Variants in DISP1 observed in about 807,000 individuals in gnomAD.
DISP1 encodes dispatched RND transporter family member 1, also known as protein dispatched homolog 1.
DISP1 carries 30 observed loss-of-function variants against 37.3 expected under a neutral mutation model. The observed-to-expected ratio is 0.80, with a 90% confidence interval of 0.60 to 1.09. DISP1 has a LOEUF of 1.09. Ranked by LOEUF, DISP1 falls within the 50% of genes least tolerant of loss-of-function variation. The pLI is 0.00. For synonymous variants in DISP1, 634 were observed against 690.2 expected (o/e 0.92, Z 1.28); for missense variants, 1,598 against 1,879.5 (o/e 0.85, Z 2.77).
At chr1:222,936,575 A>C (rs1237127317) in intron 2 of DISP1, among the ~76,000 whole-genome samples, 9 of 127,498 alleles carry the variant, frequency 7.1e-5, no homozygotes, top group Non-Finnish European at 9.8e-5. Flanking sequence ...TATATAATAT[A>C]TATCATATAT....
intron 2 of DISP1, among the ~76,000 whole-genome samples, chr1:222,929,817 A>G (rs1673287203): frequency 6.6e-6 from 1 of 152,128 alleles, no homozygotes; most frequent in African/African-American, 2.4e-5. Context: ...TTCATTGCCA[A>G]CGTATCAAAT....
intron 2 of DISP1, among the ~76,000 whole-genome samples, chr1:222,935,967 C>A (rs2378616): frequency 0.047 from 7,170 of 152,256 alleles, 222 homozygotes; most frequent in Non-Finnish European, 0.063. Context: ...ACCACATATA[C>A]CATGTTGGTC....
chr1:222,959,247 T>A (rs1675844183), intron 3 of DISP1, among the ~76,000 whole-genome samples: 1 of 152,210 alleles, frequency 6.6e-6, no homozygotes, highest in Non-Finnish European at 1.5e-5. Flanking sequence ...GCAATTAAAA[T>A]CTATAACAAT....
At chr1:222,855,848 C>T (rs530064528) in intron 1 of DISP1, among the ~76,000 whole-genome samples, 156 of 150,030 alleles carry the variant, frequency 1.0e-3, no homozygotes, top group South Asian at 9.0e-3. Context: ...CTATCTAATG[C>T]GACTGGAATT....
intron 1 of DISP1, among the ~76,000 whole-genome samples, chr1:222,851,705 A>G (rs570338984): frequency 2.2e-4 from 34 of 152,282 alleles, no homozygotes; most frequent in East Asian, 5.8e-4. Flanking sequence ...TGCATTCCCT[A>G]AAAGTTCTTT....
chr1:222,945,796 ATGT>A (rs1377036028), intron 3 of DISP1: 1 of 152,218 alleles, frequency 6.6e-6, no homozygotes, highest in Non-Finnish European at 1.5e-5. Context: ...TTGTCTTTGT[ATGT>A]TATCTAAAGA....
At chr1:222,856,177 G>T (rs998184495) in intron 1 of DISP1, among the ~76,000 whole-genome samples, 2 of 152,136 alleles carry the variant, frequency 1.3e-5, no homozygotes, top group Non-Finnish European at 2.9e-5. Context: ...ATGTTACTGT[G>T]AATTACATAG....
intron 3 of DISP1, among the ~76,000 whole-genome samples, chr1:222,946,228 A>ACC (rs1258407651): frequency 2.0e-5 from 3 of 150,314 alleles, no homozygotes; most frequent in African/African-American, 7.3e-5. Flanking sequence ...AAAAAAAAAA[A>ACC]AAAAAATTAG....
At chr1:222,987,050 T>C (rs1252064822) in intron 4 of DISP1, among the ~76,000 whole-genome samples, 1 of 149,822 alleles carries the variant, frequency 6.7e-6, no homozygotes, top group African/African-American at 2.5e-5. Flanking sequence ...GATATGGATA[T>C]ATATATATAT....
chr1:222,919,587 C>A (rs951885176), intron 1 of DISP1, among the ~76,000 whole-genome samples: 4 of 152,182 alleles, frequency 2.6e-5, no homozygotes, highest in African/African-American at 4.8e-5. Context: ...GCGTCTGTCC[C>A]CCTTCGTTCA....
intron 1 of DISP1, among the ~76,000 whole-genome samples, chr1:222,896,252 G>A (rs1027159424): frequency 2.6e-5 from 4 of 151,988 alleles, no homozygotes; most frequent in Non-Finnish European, 5.9e-5. Context: ...AGGCTGCAGT[G>A]AGCCATGATC....
rs1471310587 is a variant in DISP1, at chr1:222,991,504, T to C, written c.664-16T>C. On this transcript the variant is annotated splice_polypyrimidine_tract_variant and intron_variant, in intron 5 of 8. Coordinates refer to ENST00000675850, the MANE Select transcript of DISP1 (RefSeq NM_001377229.1). ...GAAATGAAATATACTAATGAGCACCTGTAATTTTGCCTTAGGGTTTTGAAC... is the reference window on the plus strand; with the variant it reads ...GAAATGAAATATACTAATGAGCACCCGTAATTTTGCCTTAGGGTTTTGAAC... 3 of 1,613,628 alleles carry C rather than the reference T, an allele frequency of 1.9e-6. No individual in the cohort carries two copies. Among genetic ancestry groups the C allele is most frequent in the Non-Finnish European group, 2.5e-6 (3 of 1,179,668 alleles).
chr1:222,950,424 C>T (rs1451824514), intron 3 of DISP1, among the ~76,000 whole-genome samples: 4 of 152,050 alleles, frequency 2.6e-5, no homozygotes, highest in Non-Finnish European at 5.9e-5. Context: ...CACAGTGAAA[C>T]CCCTTCTCTA....
intron 1 of DISP1, among the ~76,000 whole-genome samples, chr1:222,863,229 G>T (rs1668984044): frequency 6.6e-6 from 1 of 152,028 alleles, no homozygotes; most frequent in African/African-American, 2.4e-5. Flanking sequence ...GGTGTAATTT[G>T]TGGGGAGAGG....
At chr1:222,874,250 G>A (rs1400904908) in intron 1 of DISP1, among the ~76,000 whole-genome samples, 1 of 151,200 alleles carries the variant, frequency 6.6e-6, no homozygotes. Context: ...ACAATTATGT[G>A]TCTTGGAGTT....
At chr1:222,973,966 A>G (rs1298957573) in intron 3 of DISP1, among the ~76,000 whole-genome samples, 1 of 152,178 alleles carries the variant, frequency 6.6e-6, no homozygotes, top group African/African-American at 2.4e-5. Context: ...AGGGTTTCTT[A>G]CAGTTCTGAC....
At chr1:222,840,866 G>A (rs1307100547) in intron 1 of DISP1, among the ~76,000 whole-genome samples, 1 of 151,818 alleles carries the variant, frequency 6.6e-6, no homozygotes, top group African/African-American at 2.4e-5. Flanking sequence ...CCAGCCAGAA[G>A]GGTTCTTAAA....
At chr1:222,894,126 T>C (rs1324662676) in intron 1 of DISP1, among the ~76,000 whole-genome samples, 1 of 152,148 alleles carries the variant, frequency 6.6e-6, no homozygotes, top group African/African-American at 2.4e-5. Context: ...TGTGTACTGG[T>C]TGATCCATGG....
intron 3 of DISP1, among the ~76,000 whole-genome samples, chr1:222,962,674 TG>T (rs1676156483): frequency 6.6e-6 from 1 of 152,074 alleles, no homozygotes; most frequent in South Asian, 2.1e-4. Flanking sequence ...AAACAAGCAA[TG>T]GGAAAAGGAT....
Sources: allele counts gnomAD v4.1 joint callset (sites outside exome capture counted in the v4.1 genomes callset), GRCh38; gene constraint gnomAD v4.1.1; transcripts MANE v1.5; gene names NCBI Gene and HGNC (gene_info 2026-07-23, HGNC 2026-07-21).